The following MAGI2 variants were observed in gnomAD, a reference collection of about 807,000 sequenced individuals.
The protein encoded by MAGI2 is membrane-associated guanylate kinase, WW and PDZ domain-containing protein 2.
MAGI2 carries 35 observed loss-of-function variants against 133.3 expected under a neutral mutation model. The observed-to-expected ratio is 0.26, with a 90% CI of 0.20 to 0.35. The LOEUF (loss-of-function observed/expected upper bound fraction) is 0.35. MAGI2 is among the 10% of genes least tolerant of loss of function. MAGI2 has a pLI of 1.00. For synonymous variants in MAGI2, 729 were observed against 710.6 expected (o/e 1.03, Z -0.41); for missense variants, 1,636 against 1,863.4 (o/e 0.88, Z 2.25).
At chr7:78,646,883 T>A (rs1220207343) in intron 2 of MAGI2, among the ~76,000 whole-genome samples, 1 of 152,206 alleles carries the variant, frequency 6.6e-6, no homozygotes, top group African/African-American at 2.4e-5. Flanking sequence ...TTTCTTAGAA[T>A]CTTACACTCT....
At chr7:78,160,606 G>A (rs893474513) in intron 15 of MAGI2, among the ~76,000 whole-genome samples, 1 of 152,138 alleles carries the variant, frequency 6.6e-6, no homozygotes, top group African/African-American at 2.4e-5. Context: ...CTTTGCATAA[G>A]AATAATTTAC....
At chr7:78,809,318 G>A (rs1207890) in intron 2 of MAGI2, among the ~76,000 whole-genome samples, 69,920 of 152,058 alleles carry the variant, frequency 0.46, 16,852 homozygotes, top group South Asian at 0.57. Flanking sequence ...GAATACAATG[G>A]TGGATGGAAT....
intron 1 of MAGI2, among the ~76,000 whole-genome samples, chr7:79,056,155 G>T (rs1402994947): frequency 1.3e-5 from 2 of 152,238 alleles, no homozygotes; most frequent in East Asian, 3.9e-4. Flanking sequence ...GCCCTTTCGG[G>T]GGCTGAGGCA....
At chr7:78,915,162 T>C (rs1052348450) in intron 2 of MAGI2, among the ~76,000 whole-genome samples, 2 of 152,142 alleles carry the variant, frequency 1.3e-5, no homozygotes, top group South Asian at 4.1e-4. Flanking sequence ...TTTCAGAGGA[T>C]ACTACTCATG....
intron 1 of MAGI2, among the ~76,000 whole-genome samples, chr7:79,175,839 A>G (rs535289973): frequency 1.3e-5 from 2 of 152,136 alleles, no homozygotes; most frequent in Admixed American, 1.3e-4. Context: ...CATGTGGTCC[A>G]TTGTTGACTG....
intron 2 of MAGI2, among the ~76,000 whole-genome samples, chr7:78,888,831 T>A (rs888895955): frequency 5.3e-5 from 8 of 152,056 alleles, no homozygotes; most frequent in Non-Finnish European, 8.8e-5. Context: ...CCTCTCCTCC[T>A]CCAAAGGAAC....
chr7:78,550,833 A>G lies in MAGI2; in HGVS notation c.539-29188T>C, dbSNP rs142788392. Reference sequence around the variant, plus strand: ...TTCTTAATGACCAATTTCCATAGAGACAAGTTAATGGTTTAGTTTTAGGAA... The same window carrying G: ...TTCTTAATGACCAATTTCCATAGAGGCAAGTTAATGGTTTAGTTTTAGGAA... On this transcript the variant is annotated intron_variant, in intron 3 of 21. Transcript: ENST00000354212. Among the ~76,000 whole-genome samples the G allele has an allele frequency of 4.5e-3, 679 of 152,104 alleles. 4 individuals carry two copies. Among genetic ancestry groups the G allele is most frequent in the South Asian group, 0.035 (167 of 4,818 alleles).
chr7:79,076,985 T>C (rs1815521814), intron 1 of MAGI2, among the ~76,000 whole-genome samples: 1 of 152,230 alleles, frequency 6.6e-6, no homozygotes, highest in African/African-American at 2.4e-5. Flanking sequence ...TCAGATTCTT[T>C]ACTTTTCCTA....
At chr7:79,056,135 G>T (rs1277404780) in intron 1 of MAGI2, among the ~76,000 whole-genome samples, 2 of 152,158 alleles carry the variant, frequency 1.3e-5, no homozygotes, top group African/African-American at 4.8e-5. Context: ...TTTATGGCCT[G>T]TAAACTCCAG....
chr7:78,266,637 G>A (rs181932822), intron 9 of MAGI2, among the ~76,000 whole-genome samples: 1 of 152,020 alleles, frequency 6.6e-6, no homozygotes, highest in East Asian at 1.9e-4. Context: ...GAGTGCAGTG[G>A]CATGATCTCA....
intron 9 of MAGI2, among the ~76,000 whole-genome samples, chr7:78,331,605 T>C (rs2691533): frequency 0.47 from 71,377 of 152,026 alleles, 17,165 homozygotes; most frequent in Non-Finnish European, 0.5. Context: ...AACCACCTAC[T>C]CCTATACTAT....
At chr7:79,404,241 G>A (rs935777581) in intron 1 of MAGI2, among the ~76,000 whole-genome samples, 1 of 152,044 alleles carries the variant, frequency 6.6e-6, no homozygotes, top group Non-Finnish European at 1.5e-5. Context: ...ACAGAACTTT[G>A]ATCAAGGCAA....
At chr7:78,767,052 C>T (rs952042470) in intron 2 of MAGI2, among the ~76,000 whole-genome samples, 2 of 151,564 alleles carry the variant, frequency 1.3e-5, no homozygotes, top group South Asian at 2.1e-4. Context: ...TGCAATGGCA[C>T]GATCTCAGCT....
chr7:78,667,666 T>A (rs1156331383), intron 2 of MAGI2, among the ~76,000 whole-genome samples: 1 of 151,818 alleles, frequency 6.6e-6, no homozygotes, highest in Non-Finnish European at 1.5e-5. Flanking sequence ...TTGCGACAGT[T>A]TACTGAGAAT....
At chr7:78,561,000 A>T (rs1800344632) in intron 3 of MAGI2, among the ~76,000 whole-genome samples, 1 of 152,182 alleles carries the variant, frequency 6.6e-6, no homozygotes, top group Non-Finnish European at 1.5e-5. Context: ...GTAGTTGGTG[A>T]TCTTGGGTAG....
At position 78,567,011 on chromosome 7, in the gene MAGI2, T is replaced by C. The variant is rs186131664; in HGVS notation, c.539-45366A>G. ...TATGAGGTTTTAAAGTTTGACTTAC[T>C]AGCAAACATGCAGTTTACAATATTA... On this transcript the variant is annotated intron_variant, in intron 3 of 21. Transcript: ENST00000354212. 6.4e-4 allele frequency among the ~76,000 whole-genome samples: 98 copies of C among 152,290 alleles called. 1 individual carries two copies. In the South Asian group the frequency reaches 8.7e-3, roughly 14 times the overall value.
At chr7:79,140,260 G>C (rs1821992960) in intron 1 of MAGI2, among the ~76,000 whole-genome samples, 1 of 152,126 alleles carries the variant, frequency 6.6e-6, no homozygotes, top group Admixed American at 6.5e-5. Context: ...TAAAAATTGG[G>C]TGTTTATTTC....
chr7:79,143,058 G>A (rs1822282880), intron 1 of MAGI2, among the ~76,000 whole-genome samples: 1 of 152,120 alleles, frequency 6.6e-6, no homozygotes, highest in South Asian at 2.1e-4. Flanking sequence ...AACAAAGAGT[G>A]AAAATAAAAG....
At chr7:79,227,859 A>G (rs1468675550) in intron 1 of MAGI2, among the ~76,000 whole-genome samples, 2 of 152,100 alleles carry the variant, frequency 1.3e-5, no homozygotes, top group East Asian at 3.9e-4. Context: ...TGCTCCTCAC[A>G]CTTCCTATCT....
Sources: allele counts gnomAD v4.1 joint callset (sites outside exome capture counted in the v4.1 genomes callset), GRCh38; gene constraint gnomAD v4.1.1; transcripts MANE v1.5; gene names NCBI Gene and HGNC (gene_info 2026-07-23, HGNC 2026-07-21).